The following PTPRT variants were observed in gnomAD, a reference collection of about 807,000 sequenced individuals.
The protein encoded by PTPRT is receptor-type tyrosine-protein phosphatase T.
PTPRT carries 56 observed loss-of-function variants against 176.8 expected under a neutral mutation model. That is an observed-to-expected ratio of 0.32 (90% CI 0.26 to 0.40). PTPRT has a LOEUF of 0.40. Among genes scored for constraint, PTPRT ranks in the 10% least tolerant of loss-of-function variants. The pLI is 1.00. For synonymous variants in PTPRT, 783 were observed against 739.0 expected (o/e 1.06, Z -0.96); for missense variants, 1,540 against 1,908.2 (o/e 0.81, Z 3.60).
intron 7 of PTPRT, among the ~76,000 whole-genome samples, chr20:42,476,037 T>C (rs1490818330): frequency 6.6e-6 from 1 of 152,198 alleles, no homozygotes; most frequent in Non-Finnish European, 1.5e-5. Context: ...CAAGGGCACT[T>C]CATTGCTGAG....
intron 11 of PTPRT, among the ~76,000 whole-genome samples, chr20:42,338,684 A>C (rs569763578): frequency 1.3e-5 from 2 of 152,174 alleles, no homozygotes; most frequent in South Asian, 4.2e-4. Context: ...TCCTCTTCCT[A>C]CTTTTTCTAA....
At chr20:42,554,937 C>T (rs1346351925) in intron 7 of PTPRT, among the ~76,000 whole-genome samples, 4 of 152,146 alleles carry the variant, frequency 2.6e-5, no homozygotes, top group African/African-American at 7.2e-5. Flanking sequence ...CTAAGTCAAC[C>T]GTTCCAACAC....
chr20:42,244,534 G>A (rs1255036187), intron 14 of PTPRT, among the ~76,000 whole-genome samples: 1 of 152,162 alleles, frequency 6.6e-6, no homozygotes, highest in African/African-American at 2.4e-5. Flanking sequence ...AAATTAAAAT[G>A]TGATGGACGG....
chr20:42,349,820 T>C (rs1248423775), intron 11 of PTPRT, among the ~76,000 whole-genome samples: 1 of 152,214 alleles, frequency 6.6e-6, no homozygotes, highest in Non-Finnish European at 1.5e-5. Flanking sequence ...GCAAAGTGTA[T>C]CTTGTTTAAA....
Position 42,329,796 on chromosome 20 carries a change from A to G in PTPRT, c.1866-13800T>C, listed in dbSNP as rs115837994. ...AAAATTTTCCTATCATTTCTATATA[A>G]GCATGCATTATTTTGTGGTGACTCT... On this transcript the variant is annotated intron_variant, in intron 11 of 30. Transcript: ENST00000373187. 2.6e-3 allele frequency among the ~76,000 whole-genome samples: 393 copies of G among 152,308 alleles called. 1 individual carries two copies. The highest frequency in any genetic ancestry group is 8.9e-3 in the African/African-American group (371 of 41,568).
At chr20:42,548,797 G>A (rs942214549) in intron 7 of PTPRT, among the ~76,000 whole-genome samples, 3 of 152,124 alleles carry the variant, frequency 2.0e-5, no homozygotes, top group Admixed American at 6.5e-5. Flanking sequence ...CAAGAAACGC[G>A]CAGGTGTTAT....
intron 7 of PTPRT, among the ~76,000 whole-genome samples, chr20:42,636,550 T>C (rs1191150072): frequency 6.6e-6 from 1 of 151,964 alleles, no homozygotes; most frequent in African/African-American, 2.4e-5. Flanking sequence ...CTTTGGAGGC[T>C]GAGGTGGGGG....
chr20:42,554,767 T>C (rs2072831161), intron 7 of PTPRT, among the ~76,000 whole-genome samples: 1 of 152,144 alleles, frequency 6.6e-6, no homozygotes, highest in Non-Finnish European at 1.5e-5. Flanking sequence ...CTGGTCAAAT[T>C]TGTGCTCAAG....
At chr20:42,805,566 C>T (rs140713865) in intron 2 of PTPRT, among the ~76,000 whole-genome samples, 96 of 152,214 alleles carry the variant, frequency 6.3e-4, no homozygotes, top group African/African-American at 2.2e-3. Flanking sequence ...AGACAGTTTG[C>T]GGAGATGAAA....
In PTPRT at chr20:43,175,164, GGA is replaced by G. The variant is rs1281666302; in HGVS notation, c.88+14480_88+14481del. The stretch of plus-strand genomic sequence containing the variant: ...TGGGATGCGAGGAAGTCTCCTCCAT[GGA>G]GATGCCAGGAAAGAGAAAGAGACGG... On this transcript the variant is annotated intron_variant, in intron 1 of 30. Coordinates refer to ENST00000373187, the MANE Select transcript of PTPRT (RefSeq NM_007050.6). 1.1e-4 allele frequency among the ~76,000 whole-genome samples: 16 copies of G among 152,364 alleles called. No homozygotes were observed. In the East Asian group the frequency reaches 3.1e-3, roughly 29 times the overall value.
intron 9 of PTPRT, among the ~76,000 whole-genome samples, chr20:42,413,426 G>A (rs527746732): frequency 6.6e-6 from 1 of 152,178 alleles, no homozygotes; most frequent in South Asian, 2.1e-4. Context: ...AGACAATTTA[G>A]GAATTCCTTT....
chr20:42,065,444 A>G, the PTPRT span, among the ~76,000 whole-genome samples: 94 of 152,354 alleles, frequency 6.2e-4, no homozygotes, highest in African/African-American at 2.2e-3. Context: ...TAACTCTCAA[A>G]GCTTAGTGGC....
At chr20:42,173,970 C>T (rs1990179998) in intron 16 of PTPRT, among the ~76,000 whole-genome samples, 1 of 152,024 alleles carries the variant, frequency 6.6e-6, no homozygotes, top group African/African-American at 2.4e-5. Flanking sequence ...AAATATACGC[C>T]TAAAGAATTT....
At chr20:42,680,543 A>G (rs192398375) in intron 6 of PTPRT, among the ~76,000 whole-genome samples, 5 of 152,302 alleles carry the variant, frequency 3.3e-5, no homozygotes, top group East Asian at 1.9e-4. Flanking sequence ...TCAGTCTCCA[A>G]TGAGGCCCCA....
chr20:42,941,514 A>C (rs572512835), intron 1 of PTPRT, among the ~76,000 whole-genome samples: 1 of 152,278 alleles, frequency 6.6e-6, no homozygotes, highest in South Asian at 2.1e-4. Flanking sequence ...AAGTCCTACT[A>C]ATTTTCCTGT....
chr20:42,932,597 T>G (rs977757919), intron 1 of PTPRT, among the ~76,000 whole-genome samples: 1 of 152,210 alleles, frequency 6.6e-6, no homozygotes, highest in Non-Finnish European at 1.5e-5. Flanking sequence ...CCCTGCTGAC[T>G]TGGGTGACCA....
the PTPRT span, among the ~76,000 whole-genome samples, chr20:42,036,826 A>G: frequency 1.3e-5 from 2 of 152,168 alleles, no homozygotes; most frequent in African/African-American, 4.8e-5. Context: ...ACAAACCTAT[A>G]CCTCCAGGCA....
At chr20:42,819,416 T>G (rs2077850163) in intron 2 of PTPRT, among the ~76,000 whole-genome samples, 1 of 152,098 alleles carries the variant, frequency 6.6e-6, no homozygotes, top group African/African-American at 2.4e-5. Context: ...GAATGTGGAA[T>G]GGAAAAACAG....
chr20:42,349,587 G>A (rs2058246770), intron 11 of PTPRT, among the ~76,000 whole-genome samples: 1 of 152,166 alleles, frequency 6.6e-6, no homozygotes, highest in Admixed American at 6.5e-5. Flanking sequence ...CCGAGACAGG[G>A]TGGATTCTTA....
Sources: allele counts gnomAD v4.1 joint callset (sites outside exome capture counted in the v4.1 genomes callset), GRCh38; gene constraint gnomAD v4.1.1; transcripts MANE v1.5; gene names NCBI Gene and HGNC (gene_info 2026-07-23, HGNC 2026-07-21).